The following LRBA variants were observed in gnomAD, a reference collection of about 807,000 sequenced individuals.
LRBA encodes lipopolysaccharide-responsive and beige-like anchor protein.
A neutral mutation model predicts 330.0 loss-of-function variants in LRBA; 176 were observed. The observed-to-expected ratio is 0.53, with a 90% confidence interval of 0.47 to 0.60. LRBA has a LOEUF of 0.60. LRBA is among the 20% of genes least tolerant of loss of function. The pLI, the probability that LRBA is intolerant of heterozygous loss-of-function variation, is 0.00. For missense variants in LRBA, 3,259 were observed against 3,444.8 expected (o/e 0.95, Z 1.35); for synonymous variants, 1,230 against 1,193.0 (o/e 1.03, Z -0.64).
intron 17 of LRBA, among the ~76,000 whole-genome samples, chr4:150,873,374 TG>T (rs1277814072): frequency 6.6e-6 from 1 of 152,170 alleles, no homozygotes; most frequent in Non-Finnish European, 1.5e-5. Context: ...GCAGATCACC[TG>T]AAGTCAGGAG....
At position 150,286,143 on chromosome 4, in the gene LRBA, G is replaced by A; in HGVS notation, c.8018-109C>T. ...CATGCCTATTTAATTTATAGTTTGGGAATTTGTCCAGCAATCCTACTTTAG... is the reference window on the plus strand; with the variant it reads ...CATGCCTATTTAATTTATAGTTTGGAAATTTGTCCAGCAATCCTACTTTAG... On this transcript the variant is annotated intron_variant, in intron 53 of 56. Transcript: ENST00000651943. 4 of 801,882 alleles carry A rather than the reference G, an allele frequency of 5.0e-6. No individual in the cohort carries two copies. In the South Asian group the frequency reaches 5.1e-5, roughly 10 times the overall value. The allele number at this position is 801,882 out of a possible 1,614,324, so 49.7% of individuals were successfully genotyped here. A position where few individuals can be genotyped will look rare whatever the true frequency, so the allele number is the denominator to read the frequency against.
intron 37 of LRBA, among the ~76,000 whole-genome samples, chr4:150,643,098 A>G (rs1230203676): frequency 6.6e-6 from 1 of 151,922 alleles, no homozygotes; most frequent in African/African-American, 2.4e-5. Context: ...CAACATAAAG[A>G]TTTCAAATAA....
chr4:150,531,207 A>G (rs1223525226), intron 40 of LRBA, among the ~76,000 whole-genome samples: 2 of 152,256 alleles, frequency 1.3e-5, no homozygotes, highest in Non-Finnish European at 2.9e-5. Flanking sequence ...TTCTAAATGA[A>G]TAATTCAGAA....
chr4:150,513,977 C>T (rs996023988), intron 40 of LRBA, among the ~76,000 whole-genome samples: 3 of 152,174 alleles, frequency 2.0e-5, no homozygotes, highest in African/African-American at 7.2e-5. Flanking sequence ...TTGTCCCTAA[C>T]CTTTGTCCTA....
chr4:150,631,466 T>G (rs1777370229), intron 37 of LRBA, among the ~76,000 whole-genome samples: 1 of 152,198 alleles, frequency 6.6e-6, no homozygotes, highest in Non-Finnish European at 1.5e-5. Context: ...GATTTATCAT[T>G]TTGAAGCAAA....
At chr4:150,389,579 C>T (rs1039193743) in intron 47 of LRBA, among the ~76,000 whole-genome samples, 6 of 142,922 alleles carry the variant, frequency 4.2e-5, no homozygotes, top group African/African-American at 1.5e-4. Flanking sequence ...CGTGGTGGCA[C>T]ATGCTTGTAA....
chr4:150,487,794 C>A lies in LRBA; in HGVS notation c.6489G>T (p.Lys2163Asn), dbSNP rs781408088. ...CACGAGGTAGATAGTTAACCACTTT[C>A]TTTACTGTTGCAGGGTCTGGGAAGT... Reference protein sequence around the residue: ...MFNFPDPATVKKVVNYLPRVG... With the variant: ...MFNFPDPATVNKVVNYLPRVG... The change falls in exon 42 of 57, where the codon AAG becomes AAT. Residue 2163 changes from lysine (K) to asparagine (N), a missense_variant. Transcript: ENST00000651943. 1 of 1,597,284 alleles carries A rather than the reference C, an allele frequency of 6.3e-7. No homozygotes were observed. The highest frequency in any genetic ancestry group is 8.6e-7 in the Non-Finnish European group (1 of 1,168,226).
rs192978412 is a variant in LRBA at position 150,971,104 on chromosome 4, A to G, written c.217-42039T>C. On this transcript the variant is annotated intron_variant, in intron 2 of 56. Coordinates refer to ENST00000651943, the MANE Select transcript of LRBA (RefSeq NM_001364905.1). ...AAACTATTAGAAAGCTATACAGTAT[A>G]TAGAATATGTCGAAGTGTGCTCACT... Among the ~76,000 whole-genome samples the G allele has an allele frequency of 2.8e-3, 434 of 152,356 alleles. 3 individuals carry two copies. The highest frequency in any genetic ancestry group is 0.01 in the African/African-American group (421 of 41,578).
At chr4:150,876,147 G>A (rs1359385579) in intron 17 of LRBA, among the ~76,000 whole-genome samples, 2 of 152,136 alleles carry the variant, frequency 1.3e-5, no homozygotes, top group African/African-American at 4.8e-5. Flanking sequence ...CCTGAAGACC[G>A]ATCTTTCAAA....
At chr4:150,722,319 A>C (rs1242995571) in intron 36 of LRBA, among the ~76,000 whole-genome samples, 2 of 152,212 alleles carry the variant, frequency 1.3e-5, no homozygotes, top group Non-Finnish European at 2.9e-5. Context: ...TTGTGGAAAA[A>C]GAATAACCAT....
At chr4:150,567,095 A>C (rs901245996) in intron 40 of LRBA, among the ~76,000 whole-genome samples, 3 of 152,152 alleles carry the variant, frequency 2.0e-5, no homozygotes, top group Non-Finnish European at 2.9e-5. Context: ...GTGATTTGCT[A>C]CAAATTATTT....
chr4:150,830,734 C>A (rs1324217652), intron 29 of LRBA, among the ~76,000 whole-genome samples: 4 of 150,580 alleles, frequency 2.7e-5, no homozygotes, highest in African/African-American at 9.8e-5. Context: ...TACGCTATAT[C>A]CTCTACACAG....
At chr4:150,485,183 T>C (rs1757726137) in intron 42 of LRBA, among the ~76,000 whole-genome samples, 1 of 152,038 alleles carries the variant, frequency 6.6e-6, no homozygotes, top group Non-Finnish European at 1.5e-5. Context: ...ACTGATTTTT[T>C]GTCTACCTGT....
intron 44 of LRBA, among the ~76,000 whole-genome samples, chr4:150,454,979 ATT>A (rs869198244): frequency 1.2e-4 from 7 of 58,338 alleles, no homozygotes; most frequent in South Asian, 1.6e-3. Context: ...TTTATTTTTT[ATT>A]TTTTTTATTA....
At chr4:150,360,183 G>A (rs1738487358) in intron 47 of LRBA, among the ~76,000 whole-genome samples, 1 of 151,566 alleles carries the variant, frequency 6.6e-6, no homozygotes, top group African/African-American at 2.4e-5. Flanking sequence ...AAATGACACA[G>A]GGTCTCGCTG....
intron 22 of LRBA, among the ~76,000 whole-genome samples, chr4:150,855,240 G>A (rs972695789): frequency 6.6e-6 from 1 of 152,172 alleles, no homozygotes; most frequent in Non-Finnish European, 1.5e-5. Context: ...TCCACCCTGG[G>A]TGACAGAGTG....
chr4:150,332,806 T>C (rs1734160944), intron 48 of LRBA, among the ~76,000 whole-genome samples: 1 of 152,128 alleles, frequency 6.6e-6, no homozygotes, highest in Admixed American at 6.6e-5. Context: ...AAAAAGACTA[T>C]GCAAATACTT....
At chr4:150,734,919 T>A (rs776154147) in intron 36 of LRBA, among the ~76,000 whole-genome samples, 1 of 152,158 alleles carries the variant, frequency 6.6e-6, no homozygotes, top group South Asian at 2.1e-4. Flanking sequence ...TCTGGCTAAC[T>A]AGCTCTGTTT....
chr4:150,831,514 C>A (rs1747179089), intron 29 of LRBA, among the ~76,000 whole-genome samples: 1 of 152,108 alleles, frequency 6.6e-6, no homozygotes, highest in South Asian at 2.1e-4. Context: ...ACAAGTCTGT[C>A]TCTTAGAATA....
Sources: gnomAD v4.1 joint callset for allele counts (sites outside exome capture counted in the v4.1 genomes callset) on GRCh38, gnomAD v4.1.1 for gene constraint, MANE v1.5 for transcripts, NCBI Gene and HGNC (gene_info 2026-07-23, HGNC 2026-07-21) for gene names.